RAB10: variants seen among roughly 807,000 people sequenced by gnomAD.
RAB10 encodes RAB10, member RAS oncogene family, also known as ras-related protein Rab-10.
In RAB10, 5 loss-of-function variants were observed where a neutral mutation model predicts 25.7. The ratio of observed to expected loss-of-function variants is 0.19; its 90% CI spans 0.10 to 0.41. The LOEUF is 0.41. RAB10 is among the 10% of genes least tolerant of loss of function. The probability of loss-of-function intolerance (pLI) is 1.00; values close to 1 mark genes in which losing one functional copy is unlikely to be tolerated. For synonymous variants in RAB10, 89 were observed against 86.4 expected (o/e 1.03, Z -0.16); for missense variants, 103 against 245.8 (o/e 0.42, Z 3.89).
intron 1 of RAB10, among the ~76,000 whole-genome samples, chr2:26,067,320 G>C (rs1273169838): frequency 6.6e-6 from 1 of 152,150 alleles, no homozygotes; most frequent in Non-Finnish European, 1.5e-5. Context: ...AAAATACATA[G>C]ATTAGTTGTA....
At chr2:26,124,382 G>T (rs377058887) in intron 3 of RAB10, among the ~76,000 whole-genome samples, 2 of 38,292 alleles carry the variant, frequency 5.2e-5, no homozygotes, top group African/African-American at 9.0e-5. Context: ...TCTTATTGTT[G>T]TTGTTGCTTT....
chr2:26,092,197 C>T (rs1223414904), intron 1 of RAB10, among the ~76,000 whole-genome samples: 2 of 148,832 alleles, frequency 1.3e-5, no homozygotes, highest in East Asian at 4.0e-4. Context: ...GAAAAAAGAT[C>T]AGATGAGGAC....
Position 26,096,609 on chromosome 2 carries a change from G to T in RAB10, c.128-2053G>T, listed in dbSNP as rs563868599. Among the ~76,000 whole-genome samples the T allele has an allele frequency of 1.2e-4, 18 of 152,070 alleles. No homozygotes were observed. In the East Asian group the frequency reaches 3.5e-3, roughly 29 times the overall value. On this transcript the variant is annotated intron_variant, in intron 1 of 5. Coordinates refer to ENST00000264710, the MANE Select transcript of RAB10 (RefSeq NM_016131.5). Reference sequence around the variant, plus strand: ...CTACTTTTGAAAACTTGGCTTTTTTGATCTTTGGAACATACTTTAAGAATT... The same window carrying T: ...CTACTTTTGAAAACTTGGCTTTTTTTATCTTTGGAACATACTTTAAGAATT...
In RAB10 at chr2:26,034,464, C is replaced by T. The variant is rs1032987156; in HGVS notation, c.-145C>T. On this transcript the variant is annotated 5_prime_UTR_variant, in exon 1 of 6. Transcript: ENST00000264710. The stretch of plus-strand genomic sequence containing the variant: ...CTGTCGGGGCTTCCTCAAAGCTGTT[C>T]GTAGGTCGCCCGCGCCGTCTCGAGC... The T allele has an allele frequency of 3.6e-6, 4 of 1,109,154 alleles. No homozygotes were observed. Among genetic ancestry groups the T allele is most frequent in the South Asian group, 1.5e-5 (1 of 65,002 alleles). 68.7% of individuals were successfully genotyped at this position (1,109,154 alleles called of 1,614,324 possible).
intron 2 of RAB10, chr2:26,102,278 C>A (rs984399687): frequency 6.6e-6 from 1 of 152,078 alleles, no homozygotes; most frequent in African/African-American, 2.4e-5. Flanking sequence ...TCATTTACAG[C>A]TTTATCTCTT....
At chr2:26,086,032 G>C (rs1666979852) in intron 1 of RAB10, among the ~76,000 whole-genome samples, 1 of 142,690 alleles carries the variant, frequency 7.0e-6, no homozygotes, top group Non-Finnish European at 1.5e-5. Flanking sequence ...GGGGGCAAAG[G>C]GGCCCGATGC....
In RAB10 at chr2:26,137,372, A is replaced by G. The variant is rs1668132949; in HGVS notation, c.*2351A>G. The G allele has an allele frequency of 6.5e-6, 1 of 152,688 alleles. No individual in the cohort carries two copies. Among genetic ancestry groups the G allele is most frequent in the Non-Finnish European group, 1.5e-5 (1 of 68,052 alleles). The allele number at this position is 152,688 out of a possible 1,614,324, so 9.5% of individuals were successfully genotyped here. On this transcript the variant is annotated 3_prime_UTR_variant, in exon 6 of 6. Coordinates refer to ENST00000264710, the MANE Select transcript of RAB10 (RefSeq NM_016131.5). ...TGGTACTAGCTACAAATTCGGTTTC[A>G]TATTCTACTTAACAATTTAAATAAA...
intron 1 of RAB10, among the ~76,000 whole-genome samples, chr2:26,073,882 T>A (rs994297191): frequency 3.9e-5 from 6 of 152,178 alleles, no homozygotes; most frequent in African/African-American, 1.4e-4. Context: ...AGGCAGTTAG[T>A]TGATCAATAT....
intron 1 of RAB10, among the ~76,000 whole-genome samples, chr2:26,087,263 C>G (rs778223128): frequency 6.6e-6 from 1 of 152,070 alleles, no homozygotes; most frequent in African/African-American, 2.4e-5. Flanking sequence ...CTTGAACTCC[C>G]TGTTTTATAA....
Position 26,034,734 on chromosome 2 carries a change from A to T in RAB10, c.126A>T (p.Ile42=). 1 of 1,614,016 alleles carries T rather than the reference A, an allele frequency of 6.2e-7. No individual in the cohort carries two copies. Among genetic ancestry groups the T allele is most frequent in the South Asian group, 1.1e-5 (1 of 91,070 alleles). Residue 42 remains isoleucine (I), a splice_region_variant and synonymous_variant, in exon 1 of 6, where the codon ATA becomes ATT. Transcript: ENST00000264710. ...DAFNTTFIST[I]GIDFKIKTVE... is the part of the protein sequence containing the mutation. ...TCAATACTACCTTTATTTCCACCAT[A>T]GGTAAGACCTGTGGGAGGACGGTGT...
chr2:26,044,864 C>T (rs1665963895), intron 1 of RAB10, among the ~76,000 whole-genome samples: 1 of 151,994 alleles, frequency 6.6e-6, no homozygotes, highest in Non-Finnish European at 1.5e-5. Context: ...TTATTAGAAT[C>T]CACAGCCAAT....
At chr2:26,063,426 T>C (rs1177157321) in intron 1 of RAB10, among the ~76,000 whole-genome samples, 2 of 69,910 alleles carry the variant, frequency 2.9e-5, no homozygotes, top group African/African-American at 4.7e-5. Context: ...ACATTCTTTA[T>C]GTGATTTTTT....
chr2:26,117,614 C>A (rs768019245), intron 3 of RAB10, among the ~76,000 whole-genome samples: 33 of 129,322 alleles, frequency 2.6e-4, no homozygotes, highest in South Asian at 9.9e-4. Context: ...AGCGAGACTC[C>A]GTCTCAAAAA....
intron 1 of RAB10, among the ~76,000 whole-genome samples, chr2:26,070,860 C>A (rs927539412): frequency 6.6e-6 from 1 of 152,080 alleles, no homozygotes; most frequent in Admixed American, 6.6e-5. Flanking sequence ...TCCCCACTGA[C>A]CACCACCTAG....
intron 1 of RAB10, among the ~76,000 whole-genome samples, chr2:26,042,512 G>T (rs1665913940): frequency 6.6e-6 from 1 of 151,988 alleles, no homozygotes; most frequent in Non-Finnish European, 1.5e-5. Flanking sequence ...TGGGTGCGGT[G>T]GTGTACACCT....
chr2:26,086,124 G>A (rs1200092118), intron 1 of RAB10, among the ~76,000 whole-genome samples: 1 of 151,784 alleles, frequency 6.6e-6, no homozygotes, highest in African/African-American at 2.4e-5. Flanking sequence ...AGACCAGCCT[G>A]TCCAACATGA....
At chr2:26,110,697 T>G (rs567997084) in intron 3 of RAB10, among the ~76,000 whole-genome samples, 4 of 152,108 alleles carry the variant, frequency 2.6e-5, no homozygotes, top group South Asian at 2.1e-4. Context: ...AAAATGTTGT[T>G]TTTTTTTCTG....
At chr2:26,098,000 G>A (rs1374504495) in intron 1 of RAB10, among the ~76,000 whole-genome samples, 1 of 151,618 alleles carries the variant, frequency 6.6e-6, no homozygotes, top group Non-Finnish European at 1.5e-5. Context: ...CCCCCACTAG[G>A]AACCTTTTTA....
chr2:26,120,253 T>C (rs911191218), intron 3 of RAB10, among the ~76,000 whole-genome samples: 4 of 152,188 alleles, frequency 2.6e-5, no homozygotes, highest in Non-Finnish European at 4.4e-5. Context: ...ACTGTGATAA[T>C]TTGTCCATTT....
Sources: allele counts gnomAD v4.1 joint callset (sites outside exome capture counted in the v4.1 genomes callset), GRCh38; gene constraint gnomAD v4.1.1; transcripts MANE v1.5; gene names NCBI Gene and HGNC (gene_info 2026-07-23, HGNC 2026-07-21).